KCNQ1: variants seen among roughly 807,000 people sequenced by gnomAD.
KCNQ1 encodes potassium voltage-gated channel subfamily KQT member 1.
In KCNQ1, 49 loss-of-function variants were observed where a neutral mutation model predicts 72.4. The observed-to-expected ratio is 0.68, with a 90% CI of 0.54 to 0.86. The LOEUF is 0.86. Among genes scored for constraint, KCNQ1 ranks in the 40% least tolerant of loss-of-function variants. The pLI is 0.00. For missense variants in KCNQ1, 790 were observed against 945.1 expected, an observed-to-expected ratio of 0.84 and a Z score of 2.15; for synonymous variants, 450 against 412.6, an observed-to-expected ratio of 1.09 and a Z score of -1.10.
intron 15 of KCNQ1, among the ~76,000 whole-genome samples, chr11:2,835,300 A>C (rs1397732023): frequency 2.0e-5 from 3 of 152,082 alleles, no homozygotes; most frequent in African/African-American, 7.2e-5. Context: ...TTGGCCCCCA[A>C]GTCTCTGCCA....
At position 2,848,880 on chromosome 11, in the gene KCNQ1, C is replaced by G. The variant is rs763163556; in HGVS notation, c.*877C>G. The G allele has an allele frequency of 8.8e-6, 4 of 454,022 alleles. No homozygotes were observed. The highest frequency in any genetic ancestry group is 1.8e-5 in the Non-Finnish European group (4 of 226,808). 28.1% of individuals were successfully genotyped at this position (454,022 alleles called of 1,614,324 possible). A position where few individuals can be genotyped will look rare whatever the true frequency, so the allele number is the denominator to read the frequency against. On this transcript the variant is annotated 3_prime_UTR_variant, in exon 16 of 16. Coordinates refer to ENST00000155840, the MANE Select transcript of KCNQ1 (RefSeq NM_000218.3). The stretch of plus-strand genomic sequence containing the variant: ...CAGGGGTTCCTTCTGGGCATTACAT[C>G]GCATAGAAATCAATAATTTGTGGTG...
chr11:2,741,805 C>T (rs1247660763), intron 11 of KCNQ1, among the ~76,000 whole-genome samples: 1 of 152,212 alleles, frequency 6.6e-6, no homozygotes, highest in Non-Finnish European at 1.5e-5. Context: ...TCCAGGGATC[C>T]TCCGCCTGTG....
intron 2 of KCNQ1, among the ~76,000 whole-genome samples, chr11:2,532,924 T>C (rs927041156): frequency 6.6e-6 from 1 of 152,146 alleles, no homozygotes; most frequent in Non-Finnish European, 1.5e-5. Flanking sequence ...TTTGCAGCCC[T>C]TGGGGCCAGG....
chr11:2,620,218 TTTTTTA>T lies in KCNQ1; in HGVS notation c.1393+31370_1393+31375del. 1 of 282,758 alleles carries T rather than the reference TTTTTTA, an allele frequency of 3.5e-6. No individual in the cohort carries two copies. Among genetic ancestry groups the T allele is most frequent in the Non-Finnish European group, 6.3e-6 (1 of 158,412 alleles). The allele number at this position is 282,758 out of a possible 1,614,324, so 17.5% of individuals were successfully genotyped here. A position where few individuals can be genotyped will look rare whatever the true frequency, so the allele number is the denominator to read the frequency against. The stretch of plus-strand genomic sequence containing the variant: ...ATTCATGTATATATATATATTTTTT[TTTTTTA>T]TTTTTTTTTTAGACGGAGTTTCGCT... On this transcript the variant is annotated intron_variant, in intron 10 of 15. Transcript: ENST00000155840. This position sits in a 1 kb window ranked among gnomAD's most constrained non-coding sequence, Gnocchi z 4.5.
rs962049837 is a variant in KCNQ1, at chr11:2,782,864, C to T, written c.1794+4827C>T. Among the ~76,000 whole-genome samples, 3 of 152,054 alleles carry T rather than the reference C, an allele frequency of 2.0e-5. No individual in the cohort carries two copies. The highest frequency in any genetic ancestry group is 4.8e-5 in the African/African-American group (2 of 41,424). ...TATTCCCCTGTCTTATTAAATGTTT[C>T]GTGGACTTCTGGCTTTGCTGATCCT... On this transcript the variant is annotated intron_variant, in intron 15 of 15. Coordinates refer to ENST00000155840, the MANE Select transcript of KCNQ1 (RefSeq NM_000218.3). This position sits in a 1 kb window ranked among gnomAD's most constrained non-coding sequence, Gnocchi z 6.1.
In KCNQ1 at chr11:2,759,882, G is replaced by A. The variant is rs1846362140; in HGVS notation, c.1515-8962G>A. 6.6e-6 allele frequency among the ~76,000 whole-genome samples: 1 copy of A among 152,058 alleles called. No homozygotes were observed. Among genetic ancestry groups the A allele is most frequent in the Non-Finnish European group, 1.5e-5 (1 of 67,982 alleles). ...GAGCTGTACTGGACCCAAGCCCCAG[G>A]ACCCCCTGGAGTCACCTCCAGCCCT... is the stretch of plus-strand genomic sequence containing the variant. On this transcript the variant is annotated intron_variant, in intron 11 of 15. Coordinates refer to ENST00000155840, the MANE Select transcript of KCNQ1 (RefSeq NM_000218.3). This position sits in a 1 kb window ranked among gnomAD's most constrained non-coding sequence, Gnocchi z 4.4.
At chr11:2,714,289 C>T (rs577740319) in intron 11 of KCNQ1, among the ~76,000 whole-genome samples, 11 of 152,352 alleles carry the variant, frequency 7.2e-5, no homozygotes, top group African/African-American at 1.2e-4. Context: ...TGGCCTGAGC[C>T]GCAAGGTCAG....
intron 10 of KCNQ1, chr11:2,610,267 C>T (rs1848957644): frequency 2.5e-6 from 1 of 397,916 alleles, no homozygotes; most frequent in Non-Finnish European, 4.4e-6. Flanking sequence ...AGAAGTTATT[C>T]CTGTATGAGT....
chr11:2,616,505 T>C, intron 10 of KCNQ1: 2 of 398,002 alleles, frequency 5.0e-6, no homozygotes, highest in South Asian at 1.3e-4. Flanking sequence ...CCTTCTTCTT[T>C]TTCAGTGTGG....
chr11:2,445,728 A>G (rs1246453792), intron 1 of KCNQ1, among the ~76,000 whole-genome samples: 1 of 151,940 alleles, frequency 6.6e-6, no homozygotes, highest in Non-Finnish European at 1.5e-5. Flanking sequence ...TGGGGAGGGG[A>G]CCACCTGGAG....
At chr11:2,796,098 G>A (rs537285732) in intron 15 of KCNQ1, among the ~76,000 whole-genome samples, 5 of 152,248 alleles carry the variant, frequency 3.3e-5, no homozygotes, top group African/African-American at 4.8e-5. Context: ...GCCTAGAACC[G>A]ACACGTGTGA....
At chr11:2,573,062 G>T in intron 6 of KCNQ1, 76 bp downstream of exon 6, 1 of 1,536,086 alleles carries the variant, frequency 6.5e-7, no homozygotes, top group Non-Finnish European at 8.8e-7. Flanking sequence ...GGGCACTGGT[G>T]TCTTGAGACT....
rs1191900273 is a variant in KCNQ1 at position 2,463,596 on chromosome 11, C to T, written c.386+18112C>T. 6.6e-6 allele frequency among the ~76,000 whole-genome samples: 1 copy of T among 152,134 alleles called. No individual in the cohort carries two copies. The highest frequency in any genetic ancestry group is 2.4e-5 in the African/African-American group (1 of 41,428). On this transcript the variant is annotated intron_variant, in intron 1 of 15. Coordinates refer to ENST00000155840, the MANE Select transcript of KCNQ1 (RefSeq NM_000218.3). The surrounding 1 kb of genome is among the most constrained non-coding windows in gnomAD (Gnocchi z 7.0). ...GCTGCCCTGGGCACCCTGCCTCTTC[C>T]GGGGACTGGGGCTGGGGCTGGGGCA...
chr11:2,676,473 G>A lies in KCNQ1; in HGVS notation c.1514+14392G>A. The A allele has an allele frequency of 2.5e-6, 1 of 398,690 alleles. No individual in the cohort carries two copies. Among genetic ancestry groups the A allele is most frequent in the Non-Finnish European group, 4.4e-6 (1 of 226,098 alleles). The allele number at this position is 398,690 out of a possible 1,614,324, so 24.7% of individuals were successfully genotyped here. On this transcript the variant is annotated intron_variant, in intron 11 of 15. Transcript: ENST00000155840. The surrounding 1 kb of genome is among the most constrained non-coding windows in gnomAD (Gnocchi z 4.2). ...TGTTCTGCTCAGATTGTTAGCTGTA[G>A]TCTTTCTGGCATCAGTTCCATTTCT...
chr11:2,553,807 C>T (rs1435088761), intron 2 of KCNQ1, among the ~76,000 whole-genome samples: 1 of 151,988 alleles, frequency 6.6e-6, no homozygotes, highest in Non-Finnish European at 1.5e-5. Context: ...CCTCTGCCTC[C>T]CAGGCTCAAG....
In KCNQ1 at chr11:2,704,870, T is replaced by C. The variant is rs1448084464; in HGVS notation, c.1514+42789T>C. On this transcript the variant is annotated intron_variant, in intron 11 of 15. Coordinates refer to ENST00000155840, the MANE Select transcript of KCNQ1 (RefSeq NM_000218.3). This position sits in a 1 kb window ranked among gnomAD's most constrained non-coding sequence, Gnocchi z 4.3. Reference sequence around the variant, plus strand: ...CGAGCGAGCCCAAGGGAAGGACGGGTTTGGAGGGTTTCTGAAGATCTGGCT... The same window carrying C: ...CGAGCGAGCCCAAGGGAAGGACGGGCTTGGAGGGTTTCTGAAGATCTGGCT... Among the ~76,000 whole-genome samples, 1 of 151,654 alleles carries C rather than the reference T, an allele frequency of 6.6e-6. No homozygotes were observed. The highest frequency in any genetic ancestry group is 1.5e-5 in the Non-Finnish European group (1 of 67,904).
intron 11 of KCNQ1, among the ~76,000 whole-genome samples, chr11:2,753,494 G>A (rs1285314950): frequency 6.6e-6 from 1 of 152,190 alleles, no homozygotes; most frequent in Admixed American, 6.5e-5. Context: ...TACCTGCTCT[G>A]TGTCCCCTCC....
chr11:2,467,726 C>T (rs1788885746), intron 1 of KCNQ1, among the ~76,000 whole-genome samples: 1 of 152,208 alleles, frequency 6.6e-6, no homozygotes, highest in South Asian at 2.1e-4. Context: ...GCCCAGTGCA[C>T]ACAGCCAGCA....
rs1846546694 is a variant in KCNQ1 at position 2,769,073 on chromosome 11, G to A, written c.1590+154G>A. ...AGGCAGGCCTATCTGAGACCTGACA[G>A]TGCCTACCCCACCGAACCCCAGACA... On this transcript the variant is annotated intron_variant, in intron 12 of 15. Coordinates refer to ENST00000155840, the MANE Select transcript of KCNQ1 (RefSeq NM_000218.3). This position sits in a 1 kb window ranked among gnomAD's most constrained non-coding sequence, Gnocchi z 4.6. Among the ~76,000 whole-genome samples the A allele has an allele frequency of 2.0e-5, 3 of 152,114 alleles. No homozygotes were observed. Among genetic ancestry groups the A allele is most frequent in the African/African-American group, 7.2e-5 (3 of 41,412 alleles).
Sources: allele counts gnomAD v4.1 joint callset (sites outside exome capture counted in the v4.1 genomes callset), GRCh38; gene constraint gnomAD v4.1.1; non-coding constraint Gnocchi (gnomAD v3.1); transcripts MANE v1.5; gene names NCBI Gene and HGNC (gene_info 2026-07-23, HGNC 2026-07-21).